The following CCSER1 variants were observed in gnomAD, a reference collection of about 807,000 sequenced individuals.
CCSER1 encodes the protein coiled-coil serine rich protein 1, also known as serine-rich coiled-coil domain-containing protein 1.
CCSER1 carries 41 observed loss-of-function variants against 82.0 expected under a neutral mutation model. The ratio of observed to expected loss-of-function variants is 0.50; its 90% CI spans 0.39 to 0.65. The LOEUF (loss-of-function observed/expected upper bound fraction) is 0.65. Among genes scored for constraint, CCSER1 ranks in the 30% least tolerant of loss-of-function variants. The pLI is 0.00. For missense variants in CCSER1, 1,119 were observed against 1,064.2 expected (o/e 1.05, Z -0.72); for synonymous variants, 414 against 383.9 (o/e 1.08, Z -0.92).
chr4:91,408,797 T>C (rs1011301951), intron 10 of CCSER1, among the ~76,000 whole-genome samples: 4 of 152,228 alleles, frequency 2.6e-5, no homozygotes, highest in African/African-American at 9.6e-5. Context: ...ATGATACAGC[T>C]GTGAAGGTAG....
chr4:90,926,254 G>A (rs1581106929), intron 9 of CCSER1, among the ~76,000 whole-genome samples: 1 of 151,950 alleles, frequency 6.6e-6, no homozygotes, highest in South Asian at 2.1e-4. Context: ...TGCAAATTGT[G>A]TTTATTCAAA....
chr4:91,302,933 G>A (rs192582620), intron 10 of CCSER1, among the ~76,000 whole-genome samples: 1 of 151,860 alleles, frequency 6.6e-6, no homozygotes, highest in East Asian at 1.9e-4. Flanking sequence ...GCCCTAACTA[G>A]GGTATAAACT....
At chr4:90,957,557 T>TA (rs58731204) in intron 9 of CCSER1, among the ~76,000 whole-genome samples, 8,808 of 131,674 alleles carry the variant, frequency 0.067, 323 homozygotes, top group Middle Eastern at 0.096. Context: ...TTATATTATA[T>TA]ATATTATATA....
At chr4:91,297,540 A>C (rs1170482531) in intron 10 of CCSER1, among the ~76,000 whole-genome samples, 7 of 151,886 alleles carry the variant, frequency 4.6e-5, no homozygotes, top group South Asian at 2.1e-4. Context: ...ATTTTGTAGA[A>C]TAAGCAATTT....
chr4:91,355,705 T>C (rs1161088996), intron 10 of CCSER1, among the ~76,000 whole-genome samples: 1 of 152,178 alleles, frequency 6.6e-6, no homozygotes, highest in Non-Finnish European at 1.5e-5. Context: ...ACCAGTCAGC[T>C]TCCGGGTGTG....
At chr4:91,496,921 T>C (rs1443945197) in intron 10 of CCSER1, among the ~76,000 whole-genome samples, 7 of 146,088 alleles carry the variant, frequency 4.8e-5, no homozygotes, top group African/African-American at 1.8e-4. Context: ...GAAAGCCTAT[T>C]TGAAGTATGC....
intron 7 of CCSER1, among the ~76,000 whole-genome samples, chr4:90,809,151 CCA>C (rs61533923): frequency 4.4e-5 from 3 of 67,572 alleles, no homozygotes; most frequent in African/African-American, 1.4e-4. Flanking sequence ...GACCCCATTT[CCA>C]CACACACACA....
chr4:90,911,571 A>G (rs1269206048), intron 8 of CCSER1, among the ~76,000 whole-genome samples: 1 of 152,168 alleles, frequency 6.6e-6, no homozygotes, highest in African/African-American at 2.4e-5. Flanking sequence ...AAGATGGTTA[A>G]TTTCTGCATT....
At chr4:90,615,747 A>G (rs1721071722) in intron 5 of CCSER1, among the ~76,000 whole-genome samples, 1 of 152,158 alleles carries the variant, frequency 6.6e-6, no homozygotes, top group Admixed American at 6.5e-5. Flanking sequence ...TGAAATTACA[A>G]CAAAAAATTT....
chr4:90,343,668 G>T (rs560246229), intron 3 of CCSER1, among the ~76,000 whole-genome samples: 68 of 152,236 alleles, frequency 4.5e-4, no homozygotes, highest in Admixed American at 1.6e-3. Flanking sequence ...AGACTTGATG[G>T]ACTTTGGTGT....
At chr4:91,405,130 A>T (rs1268962541) in intron 10 of CCSER1, among the ~76,000 whole-genome samples, 1 of 151,976 alleles carries the variant, frequency 6.6e-6, no homozygotes, top group Non-Finnish European at 1.5e-5. Flanking sequence ...TGTTGAATTG[A>T]TCCCTTTACC....
At position 91,348,922 on chromosome 4, in the gene CCSER1, T is replaced by G. The variant is rs573543265; in HGVS notation, c.2218-249650T>G. 1.4e-4 allele frequency among the ~76,000 whole-genome samples: 21 copies of G among 152,230 alleles called. 1 individual carries two copies. In the South Asian group the frequency reaches 4.4e-3, roughly 32 times the overall value. ...ATTAATTAATTAATTTATTTATTTA[T>G]TTTTGAGACGGAGTCTCACTCTGCC... On this transcript the variant is annotated intron_variant, in intron 10 of 10. Coordinates refer to ENST00000509176, the MANE Select transcript of CCSER1 (RefSeq NM_001145065.2).
intron 10 of CCSER1, among the ~76,000 whole-genome samples, chr4:91,206,664 T>C (rs1445551972): frequency 6.6e-6 from 1 of 151,830 alleles, no homozygotes; most frequent in Non-Finnish European, 1.5e-5. Context: ...AGACTCTAGC[T>C]CCTGTTTCAG....
At chr4:90,700,225 A>G (rs1404783175) in intron 6 of CCSER1, among the ~76,000 whole-genome samples, 1 of 152,060 alleles carries the variant, frequency 6.6e-6, no homozygotes, top group Non-Finnish European at 1.5e-5. Flanking sequence ...CCTATGAGTG[A>G]GAACATGTGG....
chr4:90,507,807 T>A (rs1770922777), intron 5 of CCSER1, among the ~76,000 whole-genome samples: 1 of 152,108 alleles, frequency 6.6e-6, no homozygotes, highest in Non-Finnish European at 1.5e-5. Context: ...GAATTCTTTT[T>A]TAGTTGTGCT....
At chr4:90,908,073 A>G (rs754213010) in intron 8 of CCSER1, among the ~76,000 whole-genome samples, 5 of 152,156 alleles carry the variant, frequency 3.3e-5, no homozygotes, top group Admixed American at 6.6e-5. Flanking sequence ...GGTACTAAAT[A>G]AACATGGTCC....
chr4:91,309,382 G>A (rs76663821), intron 10 of CCSER1, among the ~76,000 whole-genome samples: 2,562 of 152,102 alleles, frequency 0.017, 37 homozygotes, highest in Non-Finnish European at 0.024. Flanking sequence ...GCATGTGCAC[G>A]CACGTGCTCA....
At chr4:90,559,765 G>T (rs1023965203) in intron 5 of CCSER1, among the ~76,000 whole-genome samples, 1 of 135,900 alleles carries the variant, frequency 7.4e-6, no homozygotes, top group African/African-American at 3.0e-5. Flanking sequence ...CGCCGAGATC[G>T]CGCCACTGCA....
intron 10 of CCSER1, among the ~76,000 whole-genome samples, chr4:91,098,517 C>A (rs959469517): frequency 6.6e-6 from 1 of 151,918 alleles, no homozygotes; most frequent in African/African-American, 2.4e-5. Flanking sequence ...TCACTCTTTT[C>A]TCTTGCCCAA....
Sources: gnomAD v4.1 joint callset for allele counts (sites outside exome capture counted in the v4.1 genomes callset) on GRCh38, gnomAD v4.1.1 for gene constraint, MANE v1.5 for transcripts, NCBI Gene and HGNC (gene_info 2026-07-23, HGNC 2026-07-21) for gene names.